The following ELF1 variants were observed in gnomAD, a reference collection of about 807,000 sequenced individuals.
ELF1 encodes the protein E74 like ETS transcription factor 1.
ELF1 carries 24 observed loss-of-function variants against 59.9 expected under a neutral mutation model. That is an observed-to-expected ratio of 0.40 (90% CI 0.29 to 0.56). The LOEUF is 0.56. Ranked by LOEUF, ELF1 falls within the 20% of genes least tolerant of loss-of-function variation. The probability of loss-of-function intolerance (pLI) is 0.44; values close to 1 mark genes in which losing one functional copy is unlikely to be tolerated. For missense variants in ELF1, 627 were observed against 742.2 expected (o/e 0.84, Z 1.80); for synonymous variants, 248 against 266.2 (o/e 0.93, Z 0.67).
At position 40,980,644 on chromosome 13, in the gene ELF1, C is replaced by T. The variant is rs147657538; in HGVS notation, c.72+1339G>A. 5.7e-3 allele frequency among the ~76,000 whole-genome samples: 863 copies of T among 152,222 alleles called. 8 individuals carry two copies. The highest frequency in any genetic ancestry group is 0.013 in the South Asian group (65 of 4,830). ...TTAGTGAGTGGCTTAGGGCTTTGTCCTCTGCTGCTACATCCTGAGATCAAA... is the reference window on the plus strand; with the variant it reads ...TTAGTGAGTGGCTTAGGGCTTTGTCTTCTGCTGCTACATCCTGAGATCAAA... On this transcript the variant is annotated intron_variant, in intron 2 of 8. Coordinates refer to ENST00000239882, the MANE Select transcript of ELF1 (RefSeq NM_172373.4).
intron 6 of ELF1, 64 bp from the exon 7 acceptor site, chr13:40,943,208 C>A: frequency 1.2e-5 from 16 of 1,371,714 alleles, no homozygotes; most frequent in East Asian, 4.7e-5. Flanking sequence ...TCAAAAAAGA[C>A]AACTAAAAGT....
intron 8 of ELF1, among the ~76,000 whole-genome samples, chr13:40,936,769 A>AAAAAAAAAAG (rs1555270679): frequency 3.6e-4 from 54 of 149,522 alleles, no homozygotes; most frequent in Non-Finnish European, 7.0e-4. Flanking sequence ...TCAAAAAAAA[A>AAAAAAAAAAG]AAAAAAAAGA....
At chr13:40,944,709 T>C (rs1336657687) in intron 5 of ELF1, among the ~76,000 whole-genome samples, 1 of 152,188 alleles carries the variant, frequency 6.6e-6, no homozygotes, top group Non-Finnish European at 1.5e-5. Flanking sequence ...GAGATCATGA[T>C]CATGCTGTCT....
At chr13:41,055,715 C>T (rs753334971) in intron 1 of ELF1, among the ~76,000 whole-genome samples, 3 of 152,072 alleles carry the variant, frequency 2.0e-5, no homozygotes, top group Non-Finnish European at 4.4e-5. Flanking sequence ...GAGAGGGTCT[C>T]ACCCTGTTGC....
At chr13:41,022,407 G>GC (rs1209990745), upstream of ELF1, among the ~76,000 whole-genome samples, 2 of 152,122 alleles carry the variant, frequency 1.3e-5, no homozygotes, top group South Asian at 2.1e-4. Flanking sequence ...TGGAAATGAG[G>GC]GGAGGGGGTT....
At chr13:41,013,908 ATTG>A (rs1875219062) in intron 1 of ELF1, among the ~76,000 whole-genome samples, 2 of 151,828 alleles carry the variant, frequency 1.3e-5, no homozygotes, top group South Asian at 4.1e-4. Context: ...TATTTATGGG[ATTG>A]TTTTCTAAAC....
chr13:40,978,353 G>A (rs1353232843), intron 2 of ELF1, among the ~76,000 whole-genome samples: 1 of 151,514 alleles, frequency 6.6e-6, no homozygotes, highest in East Asian at 1.9e-4. Flanking sequence ...ACTCCAGCCT[G>A]GGTGACGAGG....
chr13:41,043,164 T>C (rs1312282238), intron 1 of ELF1, among the ~76,000 whole-genome samples: 1 of 152,220 alleles, frequency 6.6e-6, no homozygotes, highest in Non-Finnish European at 1.5e-5. Flanking sequence ...TGTTTTTTTC[T>C]TGTAAATTTG....
At chr13:41,054,748 G>C (rs1478433364) in intron 1 of ELF1, among the ~76,000 whole-genome samples, 2 of 152,300 alleles carry the variant, frequency 1.3e-5, no homozygotes, top group African/African-American at 4.8e-5. Flanking sequence ...CCTTTGTCAA[G>C]GCCTAATGGA....
chr13:41,000,237 C>CTTTTTTTTTTTTTTTTTTTTTTTTTTT (rs55938711), intron 1 of ELF1, among the ~76,000 whole-genome samples: 1 of 54,722 alleles, frequency 1.8e-5, no homozygotes, highest in African/African-American at 7.7e-5. Flanking sequence ...TTGAACCTGG[C>CTTTTTTTTTTTTTTTTTTTTTTTTTTT]TTTTTTTTTT....
intron 1 of ELF1, among the ~76,000 whole-genome samples, chr13:41,035,049 A>C (rs1876318178): frequency 6.6e-6 from 1 of 152,176 alleles, no homozygotes; most frequent in Admixed American, 6.5e-5. Flanking sequence ...AAAAGGAAGA[A>C]TTGGTCACTT....
At chr13:40,979,385 G>C (rs1873124315) in intron 2 of ELF1, among the ~76,000 whole-genome samples, 1 of 152,118 alleles carries the variant, frequency 6.6e-6, no homozygotes, top group Non-Finnish European at 1.5e-5. Context: ...AGGAAACCAA[G>C]GAACAGAAAG....
At chr13:41,021,056 T>C (rs376662644), upstream of ELF1, among the ~76,000 whole-genome samples, 6 of 152,318 alleles carry the variant, frequency 3.9e-5, no homozygotes, top group Non-Finnish European at 8.8e-5. Context: ...TAAGTTGTAA[T>C]ATTCCCTAAG....
Position 40,999,513 on chromosome 13 carries a change from T to A in ELF1, c.-228-17231A>T, listed in dbSNP as rs201368145. Among the ~76,000 whole-genome samples the A allele has an allele frequency of 9.2e-5, 14 of 152,318 alleles. No homozygotes were observed. In the East Asian group the frequency reaches 2.5e-3, roughly 27 times the overall value. On this transcript the variant is annotated intron_variant, in intron 1 of 8. Coordinates refer to ENST00000239882, the MANE Select transcript of ELF1 (RefSeq NM_172373.4). ...CAATGGGAAATAGAAAGTCAGGCAG[T>A]AGAATTTAGGCATGATTTGAGAAGA...
At chr13:40,991,041 G>A (rs1232705526) in intron 1 of ELF1, among the ~76,000 whole-genome samples, 1 of 152,050 alleles carries the variant, frequency 6.6e-6, no homozygotes, top group African/African-American at 2.4e-5. Context: ...CTTTACCTTT[G>A]TGTTCTTCCA....
chr13:41,019,555 AAG>A (rs950880455), upstream of ELF1, among the ~76,000 whole-genome samples: 1 of 152,230 alleles, frequency 6.6e-6, no homozygotes, highest in African/African-American at 2.4e-5. Flanking sequence ...AAAATAGAGT[AAG>A]AACCTACAAG....
chr13:40,950,004 C>T (rs1227248807), intron 4 of ELF1, 31 bp from the exon 5 acceptor site: 1 of 1,548,614 alleles, frequency 6.5e-7, no homozygotes, highest in African/African-American at 1.4e-5. Flanking sequence ...TAATTATAGT[C>T]CACTGTGTAT....
chr13:41,043,615 G>C (rs1156819372), intron 1 of ELF1, among the ~76,000 whole-genome samples: 1 of 152,190 alleles, frequency 6.6e-6, no homozygotes, highest in African/African-American at 2.4e-5. Context: ...GATGGTTGTA[G>C]ATGTGTGGTG....
chr13:41,030,512 G>A (rs116698445), intron 1 of ELF1, among the ~76,000 whole-genome samples: 2,443 of 152,288 alleles, frequency 0.016, 63 homozygotes, highest in African/African-American at 0.054. Flanking sequence ...GGAGACTAAG[G>A]TAGGAGGATC....
Sources: allele counts gnomAD v4.1 joint callset (sites outside exome capture counted in the v4.1 genomes callset), GRCh38; gene constraint gnomAD v4.1.1; transcripts MANE v1.5; gene names NCBI Gene and HGNC (gene_info 2026-07-23, HGNC 2026-07-21).